Variants in CTNND2 observed in about 807,000 individuals in gnomAD.
The protein encoded by CTNND2 is catenin delta-2.
CTNND2 carries 22 observed loss-of-function variants against 144.4 expected under a neutral mutation model. That is an observed-to-expected ratio of 0.15 (90% CI 0.11 to 0.22). The LOEUF (loss-of-function observed/expected upper bound fraction) is 0.22, where lower values mean the gene tolerates loss of function less well. CTNND2 is among the 10% of genes least tolerant of loss of function. CTNND2 has a pLI of 1.00. For synonymous variants in CTNND2, 751 were observed against 695.6 expected, an observed-to-expected ratio of 1.08 and a Z score of -1.25; for missense variants, 1,353 against 1,618.8, an observed-to-expected ratio of 0.84 and a Z score of 2.82.
At chr5:11,493,178 G>A (rs1485328034) in intron 3 of CTNND2, among the ~76,000 whole-genome samples, 3 of 152,106 alleles carry the variant, frequency 2.0e-5, no homozygotes, top group Admixed American at 1.3e-4. Context: ...TGAGTGACCT[G>A]CGTGGCCTTG....
At chr5:11,645,276 G>T (rs1782286805) in intron 2 of CTNND2, among the ~76,000 whole-genome samples, 1 of 152,030 alleles carries the variant, frequency 6.6e-6, no homozygotes, top group African/African-American at 2.4e-5. Context: ...CTAATTTTTT[G>T]ATATACAATT....
chr5:11,376,323 T>TGC (rs1166587395), intron 7 of CTNND2, among the ~76,000 whole-genome samples: 508 of 9,962 alleles, frequency 0.051, 8 homozygotes, highest in East Asian at 0.41. Context: ...TGTGTGTGTG[T>TGC]GTGTGTGTGT....
At chr5:11,802,410 G>C (rs1293829977) in intron 1 of CTNND2, among the ~76,000 whole-genome samples, 1 of 149,828 alleles carries the variant, frequency 6.7e-6, no homozygotes, top group Non-Finnish European at 1.5e-5. Context: ...CCTACTAAAA[G>C]TGCAAAATTA....
intron 14 of CTNND2, among the ~76,000 whole-genome samples, chr5:11,103,356 A>C (rs1033935850): frequency 3.9e-5 from 6 of 152,078 alleles, no homozygotes; most frequent in African/African-American, 1.4e-4. Context: ...TATGAAGAGA[A>C]AGACGTAACT....
chr5:11,439,326 C>A (rs1014941749), intron 3 of CTNND2, among the ~76,000 whole-genome samples: 5 of 152,074 alleles, frequency 3.3e-5, no homozygotes, highest in African/African-American at 1.2e-4. Context: ...GAGAGGAGAT[C>A]CCTGTAGACA....
chr5:11,567,826 T>C (rs1777242196), intron 2 of CTNND2, among the ~76,000 whole-genome samples: 1 of 152,196 alleles, frequency 6.6e-6, no homozygotes, highest in South Asian at 2.1e-4. Context: ...ATCTGGGTCA[T>C]ATCTTCTGCT....
chr5:11,704,678 C>A (rs1561712076), intron 2 of CTNND2, among the ~76,000 whole-genome samples: 1 of 151,912 alleles, frequency 6.6e-6, no homozygotes, highest in South Asian at 2.1e-4. Flanking sequence ...CTTAAGCCCA[C>A]CTCTAAATGA....
At chr5:11,704,294 G>C (rs1266989543) in intron 2 of CTNND2, among the ~76,000 whole-genome samples, 1 of 152,204 alleles carries the variant, frequency 6.6e-6, no homozygotes, top group Non-Finnish European at 1.5e-5. Context: ...ACTACAGGAA[G>C]ACTAATTAAG....
intron 3 of CTNND2, among the ~76,000 whole-genome samples, chr5:11,459,133 A>C (rs1434927881): frequency 1.3e-5 from 2 of 152,182 alleles, no homozygotes; most frequent in African/African-American, 4.8e-5. Flanking sequence ...ATACACAGAA[A>C]GTGCTTAGCA....
At chr5:11,503,195 T>C (rs1054132923) in intron 3 of CTNND2, among the ~76,000 whole-genome samples, 23 of 152,198 alleles carry the variant, frequency 1.5e-4, no homozygotes, top group African/African-American at 4.3e-4. Flanking sequence ...AGCCTGCAAA[T>C]GCACTCGCCA....
At chr5:11,021,364 G>A (rs1019176240) in intron 17 of CTNND2, among the ~76,000 whole-genome samples, 2 of 152,028 alleles carry the variant, frequency 1.3e-5, no homozygotes, top group African/African-American at 4.8e-5. Context: ...TGTGTGTGTG[G>A]GTGTGTATGC....
At chr5:11,165,336 A>G (rs1226782288) in intron 11 of CTNND2, among the ~76,000 whole-genome samples, 2 of 152,186 alleles carry the variant, frequency 1.3e-5, no homozygotes, top group East Asian at 3.8e-4. Context: ...ATAATTCTAA[A>G]TTAGCCCAGG....
chr5:11,255,621 T>C (rs1385208087), intron 9 of CTNND2, among the ~76,000 whole-genome samples: 1 of 152,142 alleles, frequency 6.6e-6, no homozygotes, highest in African/African-American at 2.4e-5. Flanking sequence ...GCATTCTATC[T>C]AGTAGGATGC....
intron 12 of CTNND2, among the ~76,000 whole-genome samples, chr5:11,146,329 G>A (rs2149743731): frequency 6.6e-6 from 1 of 152,274 alleles, no homozygotes; most frequent in Non-Finnish European, 1.5e-5. Flanking sequence ...TAGGGGAGGG[G>A]GCAGACTGGC....
chr5:11,042,005 G>A (rs1217395811), intron 16 of CTNND2, among the ~76,000 whole-genome samples: 2 of 152,162 alleles, frequency 1.3e-5, no homozygotes, highest in Non-Finnish European at 2.9e-5. Flanking sequence ...TTAAGCACAG[G>A]TTTTGCCAAA....
At chr5:11,585,701 T>C (rs1392626057) in intron 2 of CTNND2, among the ~76,000 whole-genome samples, 1 of 152,104 alleles carries the variant, frequency 6.6e-6, no homozygotes, top group African/African-American at 2.4e-5. Flanking sequence ...GTCAAGGCAA[T>C]TTAAAAAAGC....
At chr5:11,878,519 C>A (rs1005919508) in intron 1 of CTNND2, among the ~76,000 whole-genome samples, 1 of 152,178 alleles carries the variant, frequency 6.6e-6, no homozygotes, top group Non-Finnish European at 1.5e-5. Flanking sequence ...TGGCAGTGTT[C>A]TATACCCCAG....
intron 21 of CTNND2, among the ~76,000 whole-genome samples, chr5:10,978,478 T>C (rs1285458305): frequency 6.8e-6 from 1 of 146,606 alleles, no homozygotes; most frequent in African/African-American, 2.6e-5. Context: ...CATTATGATC[T>C]CCTTGGAAAT....
At chr5:11,244,364 A>T (rs1742769570) in intron 9 of CTNND2, among the ~76,000 whole-genome samples, 1 of 145,288 alleles carries the variant, frequency 6.9e-6, no homozygotes, top group African/African-American at 2.6e-5. Context: ...GGCTCACTGC[A>T]ACCTCCACCT....
Sources: allele counts gnomAD v4.1 joint callset (sites outside exome capture counted in the v4.1 genomes callset), GRCh38; gene constraint gnomAD v4.1.1; transcripts MANE v1.5; gene names NCBI Gene and HGNC (gene_info 2026-07-23, HGNC 2026-07-21).